The following ABI3BP variants were observed in gnomAD, a reference collection of about 807,000 sequenced individuals.
ABI3BP encodes the protein ABI family member 3 binding protein.
A neutral mutation model predicts 268.6 loss-of-function variants in ABI3BP; 216 were observed. That is an observed-to-expected ratio of 0.80 (90% CI 0.72 to 0.90). ABI3BP has a LOEUF of 0.90. Among genes scored for constraint, ABI3BP ranks in the 40% least tolerant of loss-of-function variants. The pLI is 0.00. For missense variants in ABI3BP, 2,090 were observed against 2,182.4 expected (o/e 0.96, Z 0.84); for synonymous variants, 730 against 730.0 (o/e 1.00, Z 0.00).
chr3:100,864,828 A>C lies in ABI3BP; in HGVS notation c.1063+5T>G, dbSNP rs374572651. On this transcript the variant is annotated splice_donor_5th_base_variant and intron_variant, in intron 11 of 67. Coordinates refer to ENST00000471714, the MANE Select transcript of ABI3BP (RefSeq NM_001375547.2). The stretch of plus-strand genomic sequence containing the variant: ...TTTAGAAAAAAAAAAAGTTCTTAGA[A>C]TTACCCAGTGTTGTTTCTGAAACAT... 6.3e-7 allele frequency: 1 copy of C among 1,593,242 alleles called. No individual in the cohort carries two copies.
intron 1 of ABI3BP, among the ~76,000 whole-genome samples, chr3:100,961,910 C>T (rs1015440678): frequency 6.6e-6 from 1 of 152,112 alleles, no homozygotes; most frequent in Non-Finnish European, 1.5e-5. Context: ...TCTTGCCAAA[C>T]CTCCAAACGC....
chr3:100,862,957 A>G, intron 12 of ABI3BP, 48 bp from the exon 13 acceptor site: 3 of 1,381,314 alleles, frequency 2.2e-6, no homozygotes, highest in Non-Finnish European at 2.0e-6. Context: ...TGAAAGTAAC[A>G]GGAAAGATTT....
At chr3:100,949,908 T>C (rs572443845) in intron 1 of ABI3BP, among the ~76,000 whole-genome samples, 2 of 152,340 alleles carry the variant, frequency 1.3e-5, no homozygotes, top group African/African-American at 2.4e-5. Flanking sequence ...ATTGCCCTTT[T>C]GTTCAACTGT....
intron 9 of ABI3BP, among the ~76,000 whole-genome samples, chr3:100,867,219 A>G (rs184996039): frequency 7.6e-6 from 1 of 131,914 alleles, no homozygotes; most frequent in African/African-American, 2.7e-5. Context: ...AAAAAATCAC[A>G]ACCCAATACT....
At chr3:100,816,836 G>T in intron 42 of ABI3BP, 68 bp from the exon 43 acceptor site, 2 of 1,113,486 alleles carry the variant, frequency 1.8e-6, no homozygotes, top group Non-Finnish European at 2.6e-6. Flanking sequence ...GGTTTTTAAA[G>T]GTATGTCATA....
intron 1 of ABI3BP, among the ~76,000 whole-genome samples, chr3:100,939,009 T>G (rs1272600211): frequency 6.6e-6 from 1 of 152,084 alleles, no homozygotes; most frequent in Non-Finnish European, 1.5e-5. Context: ...ACAGAATAAT[T>G]GTTAGGCAAA....
chr3:100,787,812 A>T lies in ABI3BP; in HGVS notation c.4088-10T>A. 1 of 1,508,710 alleles carries T rather than the reference A, an allele frequency of 6.6e-7. No individual in the cohort carries two copies. The highest frequency in any genetic ancestry group is 8.8e-7 in the Non-Finnish European group (1 of 1,134,630). The allele number at this position is 1,508,710 out of a possible 1,614,324, so 93.5% of individuals were successfully genotyped here. On this transcript the variant is annotated splice_polypyrimidine_tract_variant and intron_variant, in intron 56 of 67. Coordinates refer to ENST00000471714, the MANE Select transcript of ABI3BP (RefSeq NM_001375547.2). ...GTTGTCCTATTCAGAACTAAAATAAAGTGGGATATAAATAGTTCATTTTCT... is the reference window on the plus strand; with the variant it reads ...GTTGTCCTATTCAGAACTAAAATAATGTGGGATATAAATAGTTCATTTTCT...
At chr3:100,929,404 G>C (rs1181760676) in intron 1 of ABI3BP, among the ~76,000 whole-genome samples, 2 of 151,946 alleles carry the variant, frequency 1.3e-5, no homozygotes, top group African/African-American at 2.4e-5. Flanking sequence ...TCTCCCTTTT[G>C]CTAACAATGT....
At chr3:100,901,439 C>T (rs2576393) in intron 3 of ABI3BP, among the ~76,000 whole-genome samples, 5 of 152,056 alleles carry the variant, frequency 3.3e-5, no homozygotes, top group African/African-American at 1.2e-4. Flanking sequence ...CATGCTTTGG[C>T]AATAATTACT....
intron 63 of ABI3BP, among the ~76,000 whole-genome samples, chr3:100,759,704 G>A (rs1400036766): frequency 1.3e-5 from 2 of 152,176 alleles, no homozygotes; most frequent in African/African-American, 4.8e-5. Flanking sequence ...TCTCTTTATA[G>A]ACTAGTGGAG....
At chr3:100,916,137 G>A (rs1489532955) in intron 2 of ABI3BP, among the ~76,000 whole-genome samples, 1 of 152,132 alleles carries the variant, frequency 6.6e-6, no homozygotes, top group African/African-American at 2.4e-5. Context: ...AGCAGAGACT[G>A]TACACTCGCA....
intron 27 of ABI3BP, 137 bp downstream of exon 27, chr3:100,836,987 G>T: frequency 2.5e-6 from 2 of 790,928 alleles, no homozygotes; most frequent in Non-Finnish European, 3.9e-6. Context: ...AAAGGCCCCT[G>T]TTGAAAATAG....
intron 19 of ABI3BP, 130 bp from the exon 20 acceptor site, chr3:100,846,576 T>C: frequency 3.3e-6 from 2 of 601,114 alleles, no homozygotes; most frequent in Non-Finnish European, 2.8e-6. Context: ...TGGAAGATTT[T>C]GGAAATATTC....
intron 4 of ABI3BP, among the ~76,000 whole-genome samples, chr3:100,888,798 C>T (rs113770612): frequency 1.9e-4 from 29 of 151,682 alleles, no homozygotes; most frequent in African/African-American, 6.5e-4. Flanking sequence ...AGGCAAATTC[C>T]AATTTTGTTT....
intron 1 of ABI3BP, among the ~76,000 whole-genome samples, chr3:100,964,200 C>T (rs979771350): frequency 1.4e-4 from 22 of 152,062 alleles, no homozygotes; most frequent in African/African-American, 4.8e-4. Context: ...ATGGCGGCTC[C>T]ATCTTCCCTT....
intron 18 of ABI3BP, among the ~76,000 whole-genome samples, chr3:100,848,234 T>A (rs2098796753): frequency 6.6e-6 from 1 of 151,898 alleles, no homozygotes; most frequent in African/African-American, 2.4e-5. Flanking sequence ...CCAAAAAAAA[T>A]AGAAACATCA....
intron 67 of ABI3BP, 85 bp from the exon 68 acceptor site, chr3:100,750,695 T>A: frequency 1.1e-6 from 1 of 898,832 alleles, no homozygotes; most frequent in Non-Finnish European, 1.7e-6. Context: ...TGTCGTTGAC[T>A]AGCTGAAGGC....
At chr3:100,827,022 C>A (rs1406168709) in intron 34 of ABI3BP, among the ~76,000 whole-genome samples, 2 of 152,118 alleles carry the variant, frequency 1.3e-5, no homozygotes, top group East Asian at 3.9e-4. Flanking sequence ...TTTGTTCATT[C>A]TTACCTTCCT....
intron 63 of ABI3BP, among the ~76,000 whole-genome samples, chr3:100,757,915 A>G (rs1428463481): frequency 6.6e-6 from 1 of 152,182 alleles, no homozygotes; most frequent in Non-Finnish European, 1.5e-5. Context: ...AACTGTACAT[A>G]TATTTCTGAT....
Sources: allele counts gnomAD v4.1 joint callset (sites outside exome capture counted in the v4.1 genomes callset), GRCh38; gene constraint gnomAD v4.1.1; transcripts MANE v1.5; gene names NCBI Gene and HGNC (gene_info 2026-07-23, HGNC 2026-07-21).